BTRC: variants seen among roughly 807,000 people sequenced by gnomAD.
BTRC encodes F-box/WD repeat-containing protein 1A.
A neutral mutation model predicts 85.5 loss-of-function variants in BTRC; 42 were observed. The ratio of observed to expected loss-of-function variants is 0.49; its 90% CI spans 0.38 to 0.64. The LOEUF is 0.64. BTRC is among the 30% of genes least tolerant of loss of function. The pLI, the probability that BTRC is intolerant of heterozygous loss-of-function variation, is 0.00. For synonymous variants in BTRC, 255 were observed against 263.3 expected (o/e 0.97, Z 0.30); for missense variants, 594 against 743.5 (o/e 0.80, Z 2.34).
intron 4 of BTRC, among the ~76,000 whole-genome samples, chr10:101,497,567 A>ATGG (rs1946293980): frequency 6.6e-6 from 1 of 152,144 alleles, no homozygotes; most frequent in South Asian, 2.1e-4. Context: ...TTATCCAGGC[A>ATGG]TGGTGGTGCG....
chr10:101,367,007 T>A (rs1286449410), intron 1 of BTRC, among the ~76,000 whole-genome samples: 28 of 71,816 alleles, frequency 3.9e-4, no homozygotes, highest in East Asian at 1.5e-3. Context: ...TATATATATT[T>A]ATATATATAT....
At chr10:101,418,625 T>C (rs937368785) in intron 1 of BTRC, among the ~76,000 whole-genome samples, 3 of 152,108 alleles carry the variant, frequency 2.0e-5, no homozygotes, top group African/African-American at 7.2e-5. Flanking sequence ...CATCTGCTTT[T>C]TTTTTGCCAA....
rs142225715 is a variant in BTRC at position 101,553,575 on chromosome 10, G to C, written c.*452G>C. 7.9e-5 allele frequency: 12 copies of C among 152,828 alleles called. No individual in the cohort carries two copies. Among genetic ancestry groups the C allele is most frequent in the East Asian group, 1.9e-4 (1 of 5,190 alleles). 9.5% of individuals were successfully genotyped at this position (152,828 alleles called of 1,614,324 possible). The stretch of plus-strand genomic sequence containing the variant: ...CCACTTCTAGGGTATGGGGGATGCA[G>C]CTTCAAGCCCAGTGCCCAGTGTCTC... On this transcript the variant is annotated 3_prime_UTR_variant, in exon 15 of 15. Transcript: ENST00000370187.
intron 4 of BTRC, among the ~76,000 whole-genome samples, chr10:101,499,476 C>T (rs1415320819): frequency 6.6e-6 from 1 of 152,046 alleles, no homozygotes; most frequent in East Asian, 1.9e-4. Context: ...GATCTGCCCA[C>T]CTCGGCCTCC....
chr10:101,552,350 T>C (rs2062664917), intron 14 of BTRC, among the ~76,000 whole-genome samples: 1 of 140,564 alleles, frequency 7.1e-6, no homozygotes. Flanking sequence ...ACCAGCTAAT[T>C]GTTTGTATTT....
At position 101,400,630 on chromosome 10, in the gene BTRC, G is replaced by C. The variant is rs534407406; in HGVS notation, c.49-29715G>C. ...TACTCTGGCTTATTTGGCTGTTTTT[G>C]CCTGGGAAGTGAGGGGCAAGAGCTC... On this transcript the variant is annotated intron_variant, in intron 1 of 14. Transcript: ENST00000370187. 1.8e-4 allele frequency among the ~76,000 whole-genome samples: 28 copies of C among 152,288 alleles called. No individual in the cohort carries two copies. In the South Asian group the frequency reaches 5.0e-3, roughly 27 times the overall value.
chr10:101,500,840 A>G (rs960213460), intron 4 of BTRC, among the ~76,000 whole-genome samples: 1 of 152,208 alleles, frequency 6.6e-6, no homozygotes, highest in African/African-American at 2.4e-5. Context: ...GAAAAGTTTG[A>G]CCTATTCTTG....
intron 4 of BTRC, among the ~76,000 whole-genome samples, chr10:101,482,685 G>A (rs755928353): frequency 2.0e-5 from 3 of 152,100 alleles, no homozygotes; most frequent in Admixed American, 6.5e-5. Context: ...GTGAGCTGCC[G>A]CATCCGGCCA....
At chr10:101,445,031 A>G (rs1005102246) in intron 2 of BTRC, among the ~76,000 whole-genome samples, 8 of 152,210 alleles carry the variant, frequency 5.3e-5, no homozygotes, top group African/African-American at 1.7e-4. Flanking sequence ...TGTGGTTACA[A>G]ATTTCTGGTA....
rs375826901 is a variant in BTRC, at chr10:101,536,620, A to G, written c.1544A>G (p.Asp515Gly). 3 of 1,613,812 alleles carry G rather than the reference A, an allele frequency of 1.9e-6. No homozygotes were observed. Among genetic ancestry groups the G allele is most frequent in the East Asian group, 2.2e-5 (1 of 44,850 alleles). Reference sequence around the variant, plus strand: ...GAATTGGTGCGTTGTATTCGATTTGATAACAAGAGGATAGTCAGTGGGGCC... The same window carrying G: ...GAATTGGTGCGTTGTATTCGATTTGGTAACAAGAGGATAGTCAGTGGGGCC... ...HEELVRCIRFDNKRIVSGAYD... is the reference protein window; with the variant it reads ...HEELVRCIRFGNKRIVSGAYD... The change falls in exon 12 of 15, where the codon GAT becomes GGT. Residue 515 changes from aspartate (D) to glycine (G), a missense_variant. Around this residue, in one of 4 missense-constraint regions of BTRC, gnomAD observed 373 missense variants for 503.6 expected, o/e 0.74. Transcript: ENST00000370187.
intron 4 of BTRC, among the ~76,000 whole-genome samples, chr10:101,511,015 G>C (rs1400804749): frequency 6.6e-6 from 1 of 152,022 alleles, no homozygotes; most frequent in East Asian, 1.9e-4. Context: ...TCCATTCTCT[G>C]TGTGGCAGCT....
intron 9 of BTRC, among the ~76,000 whole-genome samples, chr10:101,533,520 A>G (rs1288424558): frequency 2.0e-5 from 3 of 152,076 alleles, no homozygotes; most frequent in African/African-American, 7.2e-5. Flanking sequence ...TTTAATTGCA[A>G]GCTTCACTCA....
intron 4 of BTRC, among the ~76,000 whole-genome samples, chr10:101,480,554 C>CT (rs1263134524): frequency 1.4e-4 from 22 of 151,888 alleles, no homozygotes; most frequent in Admixed American, 1.4e-3. Flanking sequence ...TCCGAGGTCT[C>CT]TTTTTTTTAA....
chr10:101,452,754 A>G (rs1290009648), intron 2 of BTRC, among the ~76,000 whole-genome samples: 1 of 152,172 alleles, frequency 6.6e-6, no homozygotes, highest in African/African-American at 2.4e-5. Flanking sequence ...TAACTGGTGA[A>G]TCTGTTGAGT....
intron 4 of BTRC, among the ~76,000 whole-genome samples, chr10:101,488,809 G>A (rs1184076977): frequency 2.6e-5 from 4 of 152,026 alleles, no homozygotes; most frequent in African/African-American, 9.7e-5. Flanking sequence ...TGGTTACCAG[G>A]TACCCACCTG....
At chr10:101,510,862 T>C (rs1334597701) in intron 4 of BTRC, among the ~76,000 whole-genome samples, 1 of 152,228 alleles carries the variant, frequency 6.6e-6, no homozygotes. Flanking sequence ...ACCTTTCTTT[T>C]AAACATTTCC....
At chr10:101,401,798 A>G (rs913827077) in intron 1 of BTRC, among the ~76,000 whole-genome samples, 1 of 150,444 alleles carries the variant, frequency 6.6e-6, no homozygotes, top group Non-Finnish European at 1.5e-5. Flanking sequence ...TGATTATGCC[A>G]CTGCACTCCA....
intron 1 of BTRC, among the ~76,000 whole-genome samples, chr10:101,407,472 G>A (rs1008475458): frequency 2.6e-5 from 4 of 152,124 alleles, no homozygotes; most frequent in African/African-American, 9.7e-5. Flanking sequence ...GGAGTGAAGT[G>A]GCGTGATCTT....
intron 3 of BTRC, among the ~76,000 whole-genome samples, chr10:101,462,909 C>G (rs1037403401): frequency 2.0e-5 from 3 of 151,812 alleles, no homozygotes; most frequent in African/African-American, 7.3e-5. Flanking sequence ...ACTCTGTCGC[C>G]CAGGCTGGAG....
Sources: allele counts gnomAD v4.1 joint callset (sites outside exome capture counted in the v4.1 genomes callset), GRCh38; gene constraint gnomAD v4.1.1; regional missense constraint gnomAD v4.1.1; transcripts MANE v1.5; gene names NCBI Gene and HGNC (gene_info 2026-07-23, HGNC 2026-07-21).